Variants in PTPRT observed in about 807,000 individuals in gnomAD.
The protein encoded by PTPRT is receptor-type tyrosine-protein phosphatase T.
A neutral mutation model predicts 176.8 loss-of-function variants in PTPRT; 56 were observed. That is an observed-to-expected ratio of 0.32 (90% CI 0.26 to 0.40). The LOEUF is 0.40. Among genes scored for constraint, PTPRT ranks in the 10% least tolerant of loss-of-function variants. The pLI, the probability that PTPRT is intolerant of heterozygous loss-of-function variation, is 1.00. For missense variants in PTPRT, 1,540 were observed against 1,908.2 expected (o/e 0.81, Z 3.60); for synonymous variants, 783 against 739.0 (o/e 1.06, Z -0.96).
At chr20:42,431,178 C>G (rs559200520) in intron 9 of PTPRT, among the ~76,000 whole-genome samples, 1 of 152,226 alleles carries the variant, frequency 6.6e-6, no homozygotes, top group South Asian at 2.1e-4. Context: ...ATTGCTTCTC[C>G]TACACACAAT....
chr20:42,268,915 T>C (rs2056884027), intron 13 of PTPRT, among the ~76,000 whole-genome samples: 2 of 152,252 alleles, frequency 1.3e-5, no homozygotes, highest in East Asian at 1.9e-4. Flanking sequence ...GGCTCACAAA[T>C]ACCTCCCTTC....
At chr20:42,517,835 T>C (rs1051792534) in intron 7 of PTPRT, among the ~76,000 whole-genome samples, 1 of 151,972 alleles carries the variant, frequency 6.6e-6, no homozygotes, top group African/African-American at 2.4e-5. Flanking sequence ...AAACAAGGAA[T>C]GTAGTCTGTG....
intron 7 of PTPRT, among the ~76,000 whole-genome samples, chr20:42,649,822 C>T (rs2074996743): frequency 6.6e-6 from 1 of 151,856 alleles, no homozygotes; most frequent in South Asian, 2.1e-4. Flanking sequence ...ATTTGCATAG[C>T]ACTCAAGCAT....
intron 2 of PTPRT, among the ~76,000 whole-genome samples, chr20:42,866,190 C>G (rs2078742906): frequency 6.6e-6 from 1 of 152,228 alleles, no homozygotes; most frequent in African/African-American, 2.4e-5. Context: ...AAGCATCAAA[C>G]ACTGGGCCAA....
chr20:42,660,400 C>T (rs76357964), intron 7 of PTPRT, among the ~76,000 whole-genome samples: 1 of 152,100 alleles, frequency 6.6e-6, no homozygotes, highest in East Asian at 1.9e-4. Context: ...CTTATTCCAG[C>T]AACGGTGCTG....
At chr20:42,352,924 A>G (rs970500974) in intron 9 of PTPRT, among the ~76,000 whole-genome samples, 2 of 152,230 alleles carry the variant, frequency 1.3e-5, no homozygotes, top group Non-Finnish European at 2.9e-5. Flanking sequence ...ATTTTCTGAC[A>G]GTCTCATGAA....
At chr20:42,115,348 G>C (rs1350948733) in intron 21 of PTPRT, 33 bp from the exon 22 acceptor site, 24 of 1,516,886 alleles carry the variant, frequency 1.6e-5, no homozygotes, top group Non-Finnish European at 2.1e-5. Context: ...GACAGAGACA[G>C]AACAGAGACA....
At chr20:42,450,525 G>A (rs1016179255) in intron 8 of PTPRT, among the ~76,000 whole-genome samples, 1 of 152,112 alleles carries the variant, frequency 6.6e-6, no homozygotes, top group African/African-American at 2.4e-5. Context: ...TCATTTTCCT[G>A]TATGGCTCTT....
At chr20:42,975,190 ACTAT>A (rs912628178) in intron 1 of PTPRT, among the ~76,000 whole-genome samples, 3 of 152,226 alleles carry the variant, frequency 2.0e-5, no homozygotes, top group Non-Finnish European at 2.9e-5. Flanking sequence ...GAAATGAAAA[ACTAT>A]CTAATATCCA....
chr20:42,901,170 C>A (rs1313940401), intron 1 of PTPRT, among the ~76,000 whole-genome samples: 1 of 152,136 alleles, frequency 6.6e-6, no homozygotes, highest in Non-Finnish European at 1.5e-5. Context: ...AGCCTCCATA[C>A]TTGCGTTGGC....
chr20:42,534,962 C>T (rs1376988748), intron 7 of PTPRT, among the ~76,000 whole-genome samples: 2 of 152,160 alleles, frequency 1.3e-5, no homozygotes, highest in Non-Finnish European at 2.9e-5. Flanking sequence ...TGAATTCTAA[C>T]CCACTGACTC....
At chr20:42,646,648 TCTC>T in intron 7 of PTPRT, among the ~76,000 whole-genome samples, 1 of 152,240 alleles carries the variant, frequency 6.6e-6, no homozygotes, top group Admixed American at 6.5e-5. Context: ...CGCTGGTGAC[TCTC>T]CTATCAGCCC....
chr20:42,767,937 A>C (rs948945760), intron 5 of PTPRT, among the ~76,000 whole-genome samples: 1 of 145,798 alleles, frequency 6.9e-6, no homozygotes. Flanking sequence ...GATATATATT[A>C]TAACATACTA....
At chr20:42,247,944 C>G (rs2056483142) in intron 14 of PTPRT, among the ~76,000 whole-genome samples, 1 of 152,160 alleles carries the variant, frequency 6.6e-6, no homozygotes. Context: ...TATCCTCAAG[C>G]CTTGTGAATG....
intron 11 of PTPRT, among the ~76,000 whole-genome samples, chr20:42,324,171 T>C (rs887732273): frequency 2.0e-5 from 3 of 152,208 alleles, no homozygotes; most frequent in East Asian, 1.9e-4. Flanking sequence ...ATCTATGCAA[T>C]AGAATATTAT....
At chr20:42,047,630 G>A in the PTPRT span, among the ~76,000 whole-genome samples, 10 of 152,226 alleles carry the variant, frequency 6.6e-5, no homozygotes, top group Non-Finnish European at 1.2e-4. Flanking sequence ...CTTGGTAAAT[G>A]TGAGTCTAGT....
intron 9 of PTPRT, among the ~76,000 whole-genome samples, chr20:42,421,873 G>C (rs989661588): frequency 2.0e-5 from 3 of 152,044 alleles, no homozygotes; most frequent in Admixed American, 1.3e-4. Context: ...CAATGGAACA[G>C]AATAGAGAAC....
intron 11 of PTPRT, among the ~76,000 whole-genome samples, chr20:42,331,417 C>G (rs938219332): frequency 1.8e-5 from 1 of 56,058 alleles, no homozygotes; most frequent in Non-Finnish European, 3.7e-5. Flanking sequence ...TCTCTCTGAA[C>G]AGTTTTTTTT....
intron 1 of PTPRT, among the ~76,000 whole-genome samples, chr20:42,914,839 T>C (rs1472715420): frequency 6.6e-6 from 1 of 151,912 alleles, no homozygotes; most frequent in Non-Finnish European, 1.5e-5. Flanking sequence ...TAAGGGCTTA[T>C]TATGTTATTC....
Sources: allele counts gnomAD v4.1 joint callset (sites outside exome capture counted in the v4.1 genomes callset), GRCh38; gene constraint gnomAD v4.1.1; transcripts MANE v1.5; gene names NCBI Gene and HGNC (gene_info 2026-07-23, HGNC 2026-07-21).